The following ZNF552 variants were observed in gnomAD, a reference collection of about 807,000 sequenced individuals.
ZNF552 encodes zinc finger protein 552.
In ZNF552, 2 loss-of-function variants were observed where a neutral mutation model predicts 7.2. That is an observed-to-expected ratio of 0.28 (90% CI 0.11 to 0.88). The LOEUF is 0.88. ZNF552 is among the 40% of genes least tolerant of loss of function. ZNF552 has a pLI of 0.60. For missense variants in ZNF552, 421 were observed against 493.4 expected (o/e 0.85, Z 1.39); for synonymous variants, 173 against 176.5 (o/e 0.98, Z 0.16).
Position 57,814,699 on chromosome 19 carries a change from C to G in ZNF552, c.33+12G>C. The G allele has an allele frequency of 6.2e-7, 1 of 1,614,072 alleles. No individual in the cohort carries two copies. Among genetic ancestry groups the G allele is most frequent in the South Asian group, 1.1e-5 (1 of 91,080 alleles). On this transcript the variant is annotated intron_variant, in intron 1 of 2. Transcript: ENST00000391701. ...GGAGGTGACCGGAGAGCACGGAAGG[C>G]GCCACAATTACCTGAACGGGGAACC... is the stretch of plus-strand genomic sequence containing the variant.
rs116542119 is a variant in ZNF552 at position 57,809,307 on chromosome 19, G to A, written c.161-204C>T. On this transcript the variant is annotated intron_variant, in intron 2 of 2. Coordinates refer to ENST00000391701, the MANE Select transcript of ZNF552 (RefSeq NM_024762.3). ...ATGTAGGAGGCCTCATAACATAAAG[G>A]ACACAACCATGTATGTAACACAGGG... 2,707 of 1,242,546 alleles carry A rather than the reference G, an allele frequency of 2.2e-3. 58 individuals are homozygous for A. The African/African-American group carries it at 0.034, about 16-fold the overall frequency. 77.0% of individuals were successfully genotyped at this position (1,242,546 alleles called of 1,614,324 possible).
In ZNF552 at chr19:57,808,836, C is replaced by T; in HGVS notation, c.428G>A (p.Gly143Glu). The T allele has an allele frequency of 6.2e-6, 10 of 1,614,032 alleles. No homozygotes were observed. The highest frequency in any genetic ancestry group is 8.5e-6 in the Non-Finnish European group (10 of 1,180,024). Residue 143 changes from glycine to glutamate, a missense_variant, in exon 3 of 3, where the codon GGA (glycine) becomes GAA (glutamate). Physicochemically the swap from Gly to Glu is moderately conservative, Grantham distance 98. Transcript: ENST00000391701. ...NFHQHQNEHI[G>E]EKPYRGSVEE... ...AACACTCCCTCTGTAGGGTTTCTCT[C>T]CAATGTGCTCATTCTGGTGCTGATG...
At position 57,808,097 on chromosome 19, in the gene ZNF552, A is replaced by G. The variant is rs1987775615; in HGVS notation, c.1167T>C (p.Phe389=). The G allele has an allele frequency of 1.2e-6, 2 of 1,613,958 alleles. No homozygotes were observed. The highest frequency in any genetic ancestry group is 2.7e-5 in the African/African-American group (2 of 74,882). Residue 389 remains phenylalanine (F), a synonymous_variant, in exon 3 of 3, where the codon TTT becomes TTC. Transcript: ENST00000391701. ...GATGACGAAGTGAAGAGATTTGCCT[A>G]AATTTTTTTTCACATTCACTGCACC... ...PYGCSECEKK[F]RQISSLRHHQ...
intron 1 of ZNF552, 103 bp downstream of exon 1, chr19:57,814,608 C>T (rs746617486): frequency 1.1e-4 from 181 of 1,597,548 alleles, no homozygotes; most frequent in Middle Eastern, 1.6e-4. Flanking sequence ...TGTCCCGACG[C>T]CGGGTCCGGG....
At position 57,814,740 on chromosome 19, in the gene ZNF552, C is replaced by G; in HGVS notation, c.4G>C (p.Ala2Pro). 1 of 1,613,986 alleles carries G rather than the reference C, an allele frequency of 6.2e-7. No homozygotes were observed. The highest frequency in any genetic ancestry group is 8.5e-7 in the Non-Finnish European group (1 of 1,179,992). ...ACGGGGAACCTTAGCGCGGCCGCCGCCATGGGACCACGTGGGGTAAGCTGG... is the reference window on the plus strand; with the variant it reads ...ACGGGGAACCTTAGCGCGGCCGCCGGCATGGGACCACGTGGGGTAAGCTGG... M[A>P]AAALRFPVQG... is the part of the protein sequence containing the mutation. The change falls in exon 1 of 3, where the codon GCG becomes CCG. Residue 2 changes from alanine to proline, a missense_variant. Around this residue, in one of 2 missense-constraint regions of ZNF552, gnomAD observed 122 missense variants for 199.7 expected, o/e 0.61. Coordinates refer to ENST00000391701, the MANE Select transcript of ZNF552 (RefSeq NM_024762.3).
intron 2 of ZNF552, among the ~76,000 whole-genome samples, chr19:57,811,583 T>C (rs544059822): frequency 1.2e-4 from 19 of 152,130 alleles, no homozygotes; most frequent in African/African-American, 3.6e-4. Flanking sequence ...CCGGGCATGG[T>C]GGCACATGCC....
intron 1 of ZNF552, among the ~76,000 whole-genome samples, chr19:57,814,218 CAA>C (rs942183915): frequency 2.6e-5 from 4 of 152,106 alleles, no homozygotes; most frequent in Non-Finnish European, 5.9e-5. Context: ...TGTCTCAGCA[CAA>C]AGTGTCATCT....
intron 2 of ZNF552, chr19:57,813,030 A>G (rs530146098): frequency 7.9e-6 from 4 of 504,384 alleles, no homozygotes; most frequent in African/African-American, 5.7e-5. Context: ...GAAATCACAC[A>G]AACATCCACA....
In ZNF552 at chr19:57,813,306, T is replaced by A. The variant is rs139687240; in HGVS notation, c.148A>T (p.Met50Leu). The change falls in exon 2 of 3, where the codon ATG becomes TTG. Residue 50 changes from methionine to leucine, a missense_variant. Met to Leu is a conservative substitution (Grantham distance 15, BLOSUM62 2). Transcript: ENST00000391701. ...GTGGGCAACTTACCCAGGGAGGACA[T>A]AAGTGCCAGGTTCTCCAGCGTCACA... ...RDVTLENLALMSSLGCWCGVE... is the reference protein window; with the variant it reads ...RDVTLENLALLSSLGCWCGVE... 4 of 1,613,894 alleles carry A rather than the reference T, an allele frequency of 2.5e-6. No individual in the cohort carries two copies. In the African/African-American group the frequency reaches 4.0e-5, roughly 16 times the overall value.
rs1165721917 is a variant in ZNF552 at position 57,807,132 on chromosome 19, A to G, written c.*908T>C. 1 of 152,232 alleles carries G rather than the reference A, an allele frequency of 6.6e-6. No homozygotes were observed. The highest frequency in any genetic ancestry group is 1.5e-5 in the Non-Finnish European group (1 of 68,042). 9.4% of individuals were successfully genotyped at this position (152,232 alleles called of 1,614,324 possible). A position where few individuals can be genotyped will look rare whatever the true frequency, so the allele number is the denominator to read the frequency against. On this transcript the variant is annotated 3_prime_UTR_variant, in exon 3 of 3. Coordinates refer to ENST00000391701, the MANE Select transcript of ZNF552 (RefSeq NM_024762.3). ...TCAGTCAGAAAATTCTAGAAAATGG[A>G]AAGTATTATACAGCAGAGTAAATCA...
intron 2 of ZNF552, among the ~76,000 whole-genome samples, chr19:57,812,871 T>C (rs556198651): frequency 1.5e-4 from 23 of 152,144 alleles, no homozygotes; most frequent in Non-Finnish European, 2.6e-4. Context: ...ACCAGACCTA[T>C]GAAGAGAATT....
At chr19:57,813,153 T>G in intron 2 of ZNF552, 141 bp downstream of exon 2, 1 of 1,403,472 alleles carries the variant, frequency 7.1e-7, no homozygotes, top group Non-Finnish European at 9.6e-7. Context: ...GAGGGCAGTA[T>G]GCATACCTCA....
At chr19:57,814,342 T>A (rs1251737639) in intron 1 of ZNF552, 6 of 661,294 alleles carry the variant, frequency 9.1e-6, no homozygotes, top group Non-Finnish European at 1.3e-5. Context: ...TGGACTTTGA[T>A]CCAGTCCCTT....
intron 2 of ZNF552, chr19:57,812,913 G>T (rs1008107047): frequency 2.7e-5 from 7 of 258,186 alleles, no homozygotes; most frequent in Non-Finnish European, 4.5e-5. Flanking sequence ...ACAGTCTATA[G>T]TCTATGTAGG....
At chr19:57,813,584 T>C (rs1987898425) in intron 1 of ZNF552, among the ~76,000 whole-genome samples, 164 bp from the exon 2 acceptor site, 1 of 151,976 alleles carries the variant, frequency 6.6e-6, no homozygotes, top group African/African-American at 2.4e-5. Flanking sequence ...CAACAATAGT[T>C]AGTTGAACAA....
Position 57,814,825 on chromosome 19 carries a change from C to G in ZNF552, c.-82G>C. ...AGTCACGTCTGTGCAAAGAGAAGAA[C>G]GACTCTCGACCTCCTGGATCCAGTC... On this transcript the variant is annotated 5_prime_UTR_variant, in exon 1 of 3. Coordinates refer to ENST00000391701, the MANE Select transcript of ZNF552 (RefSeq NM_024762.3). 1 of 1,389,838 alleles carries G rather than the reference C, an allele frequency of 7.2e-7. No homozygotes were observed. Among genetic ancestry groups the G allele is most frequent in the South Asian group, 1.2e-5 (1 of 81,500 alleles). 86.1% of individuals were successfully genotyped at this position (1,389,838 alleles called of 1,614,324 possible).
At chr19:57,809,407 G>A (rs1052574203) in intron 2 of ZNF552, among the ~76,000 whole-genome samples, 5 of 152,140 alleles carry the variant, frequency 3.3e-5, no homozygotes, top group African/African-American at 1.2e-4. Flanking sequence ...TGACATGCGA[G>A]TGCTGTAGAG....
At position 57,808,215 on chromosome 19, in the gene ZNF552, TTCTG is replaced by T; in HGVS notation, c.1045_1048del (p.Gln349SerfsTer74). 4 of 1,614,218 alleles carry T rather than the reference TTCTG, an allele frequency of 2.5e-6. No homozygotes were observed. The highest frequency in any genetic ancestry group is 3.4e-6 in the Non-Finnish European group (4 of 1,180,034). The stretch of plus-strand genomic sequence containing the variant: ...CCCACATTCACTGCACTCATAAGGC[TTCTG>T]ACCAGTGTGAACTCTCTTATGAACA... On this transcript the variant is annotated frameshift_variant, in exon 3 of 3. Transcript: ENST00000391701. LOFTEE classifies it low-confidence loss of function (END_TRUNC).
chr19:57,809,282 A>ATG, intron 2 of ZNF552, 179 bp from the exon 3 acceptor site: 1 of 1,444,764 alleles, frequency 6.9e-7, no homozygotes, highest in Admixed American at 2.0e-5. Context: ...TGGTCACAGA[A>ATG]TGTAGGAGGC....
Sources: allele counts gnomAD v4.1 joint callset (sites outside exome capture counted in the v4.1 genomes callset), GRCh38; gene constraint gnomAD v4.1.1; regional missense constraint gnomAD v4.1.1; transcripts MANE v1.5; gene names NCBI Gene and HGNC (gene_info 2026-07-23, HGNC 2026-07-21).